The following PCNX3 variants were observed in gnomAD, a reference collection of about 807,000 sequenced individuals.
PCNX3 encodes pecanex-like protein 3.
PCNX3 carries 58 observed loss-of-function variants against 207.2 expected under a neutral mutation model. The observed-to-expected ratio is 0.28, with a 90% CI of 0.23 to 0.35. The LOEUF is 0.35. Ranked by LOEUF, PCNX3 falls within the 10% of genes least tolerant of loss-of-function variation. The pLI is 1.00. For synonymous variants in PCNX3, 1,337 were observed against 1,183.5 expected (o/e 1.13, Z -2.66); for missense variants, 2,410 against 2,774.4 (o/e 0.87, Z 2.95).
chr11:65,620,692 T>C, intron 9 of PCNX3, 139 bp from the exon 10 acceptor site: 1 of 1,213,314 alleles, frequency 8.2e-7, no homozygotes, highest in Admixed American at 2.2e-5. Flanking sequence ...TTCTGCCACC[T>C]GACCCCAGCA....
Position 65,624,261 on chromosome 11 carries a change from C to T in PCNX3, c.2611C>T (p.Leu871=). Residue 871 remains leucine (L), a synonymous_variant, in exon 14 of 35, where the codon CTG becomes TTG. Transcript: ENST00000355703. ...CTGCATCTGCTGTCTGCTCATCTGG[C>T]TGCTGGACGCCCTGGGCTCAGCTCA... ...YFCICCLLIW[L]LDALGSAQPF... 6.2e-7 allele frequency: 1 copy of T among 1,603,792 alleles called. No individual in the cohort carries two copies. The highest frequency in any genetic ancestry group is 8.5e-7 in the Non-Finnish European group (1 of 1,175,124).
At chr11:65,616,744 C>T (rs1590865293) in intron 1 of PCNX3, 80 bp from the exon 2 acceptor site, 5 of 1,468,730 alleles carry the variant, frequency 3.4e-6, no homozygotes, top group Non-Finnish European at 3.7e-6. Context: ...TCTGTGAATC[C>T]CAGCTATGAT....
At chr11:65,620,805 G>C (rs757453507) in intron 9 of PCNX3, 26 bp from the exon 10 acceptor site, 1 of 1,589,890 alleles carries the variant, frequency 6.3e-7, no homozygotes, top group South Asian at 1.1e-5. Context: ...CCCGTGGGGG[G>C]ATCCTGATGG....
At chr11:65,630,723 G>A in intron 27 of PCNX3, 119 bp downstream of exon 27, 8 of 1,396,432 alleles carry the variant, frequency 5.7e-6, no homozygotes, top group Non-Finnish European at 7.7e-6. Context: ...GGGAAGCTGA[G>A]GCCTCAGAGA....
At chr11:65,630,775 G>T (rs1855586877) in intron 27 of PCNX3, among the ~76,000 whole-genome samples, 171 bp downstream of exon 27, 1 of 152,206 alleles carries the variant, frequency 6.6e-6, no homozygotes, top group Non-Finnish European at 1.5e-5. Context: ...ACCTCAGGTT[G>T]CAGGGGCCTC....
In PCNX3 at chr11:65,624,197, C is replaced by T; in HGVS notation, c.2547C>T (p.Gly849=). 6.2e-7 allele frequency: 1 copy of T among 1,603,530 alleles called. No individual in the cohort carries two copies. The highest frequency in any genetic ancestry group is 8.5e-7 in the Non-Finnish European group (1 of 1,176,560). The change falls in exon 14 of 35, where the codon GGC becomes GGT. Residue 849 remains glycine, a splice_region_variant and synonymous_variant. Transcript: ENST00000355703. ...CTCCTCATGGGCTGACCCCTCAGGG[C>T]CACAACTGGGTGATCGCGTACAGCC... ...VQPDAASPMH[G]HNWVIAYSRP...
At position 65,627,528 on chromosome 11, in the gene PCNX3, C is replaced by T; in HGVS notation, c.3648C>T (p.Arg1216=). Residue 1216 remains arginine (R), a synonymous_variant, in exon 22 of 35, where the codon CGC becomes CGT. Transcript: ENST00000355703. The part of the protein sequence containing the change: ...TVLLFHFDYP[R]LSQGFLLDYF... Reference sequence around the variant, plus strand: ...TGCTCTTCCACTTTGACTACCCGCGCCTCTCCCAGGGCTTTCTGCTTGACT... The same window carrying T: ...TGCTCTTCCACTTTGACTACCCGCGTCTCTCCCAGGGCTTTCTGCTTGACT... 1 of 1,613,840 alleles carries T rather than the reference C, an allele frequency of 6.2e-7. No individual in the cohort carries two copies. Among genetic ancestry groups the T allele is most frequent in the Non-Finnish European group, 8.5e-7 (1 of 1,179,870 alleles).
chr11:65,635,918 G>A lies in PCNX3; in HGVS notation c.5459+115G>A. 7.1e-7 allele frequency: 1 copy of A among 1,403,852 alleles called. No homozygotes were observed. Among genetic ancestry groups the A allele is most frequent in the Admixed American group, 2.4e-5 (1 of 41,038 alleles). The allele number at this position is 1,403,852 out of a possible 1,614,324, so 87.0% of individuals were successfully genotyped here. ...AGCCAGGGCTTGAATCCCGAGAGATGACCCCCTCCCAGAGCTGACCTGCCC... is the reference window on the plus strand; with the variant it reads ...AGCCAGGGCTTGAATCCCGAGAGATAACCCCCTCCCAGAGCTGACCTGCCC... On this transcript the variant is annotated intron_variant, in intron 32 of 34. Coordinates refer to ENST00000355703, the MANE Select transcript of PCNX3 (RefSeq NM_032223.4). This position sits in a 1 kb window ranked among gnomAD's most constrained non-coding sequence, Gnocchi z 9.9.
At position 65,624,955 on chromosome 11, in the gene PCNX3, G is replaced by A; in HGVS notation, c.2858G>A (p.Ser953Asn). The change falls in exon 16 of 35, where the codon AGC becomes AAC. Residue 953 changes from serine (S) to asparagine (N), a missense_variant. Ser to Asn is a conservative substitution (Grantham distance 46). Around this residue, in one of 8 missense-constraint regions of PCNX3, gnomAD observed 333 missense variants for 386.8 expected, o/e 0.86. Transcript: ENST00000355703. Reference protein sequence around the residue: ...AATSPLTAVFSLSRSLLAAAL... With the variant: ...AATSPLTAVFNLSRSLLAAAL... ...ACCAGCCCGCTCACGGCAGTCTTCA[G>A]CCTCTCCCGCAGCCTGCTGGCTGCT... 6.2e-7 allele frequency: 1 copy of A among 1,612,152 alleles called. No individual in the cohort carries two copies. Among genetic ancestry groups the A allele is most frequent in the Non-Finnish European group, 8.5e-7 (1 of 1,179,482 alleles).
At position 65,636,867 on chromosome 11, in the gene PCNX3, C is replaced by G. The variant is rs576837586; in HGVS notation, c.5994C>G (p.Asp1998Glu). The change falls in exon 35 of 35, where the codon GAC becomes GAG. Residue 1998 changes from aspartate (D) to glutamate (E), a missense_variant. Around this residue, in one of 8 missense-constraint regions of PCNX3, gnomAD observed 278 missense variants for 245.1 expected, o/e 1.13. Coordinates refer to ENST00000355703, the MANE Select transcript of PCNX3 (RefSeq NM_032223.4). ...PRASQDIPCL[D>E]SSAPESGTPM... Reference sequence around the variant, plus strand: ...CTTCCCAGGACATTCCTTGCTTGGACAGCAGTGCCCCTGAGAGTGGCACAC... The same window carrying G: ...CTTCCCAGGACATTCCTTGCTTGGAGAGCAGTGCCCCTGAGAGTGGCACAC... 50 of 1,551,748 alleles carry G rather than the reference C, an allele frequency of 3.2e-5. No homozygotes were observed. The South Asian group carries it at 5.6e-4, about 17-fold the overall frequency.
At chr11:65,630,745 C>G (rs1344601742) in intron 27 of PCNX3, 141 bp downstream of exon 27, 7 of 1,238,936 alleles carry the variant, frequency 5.7e-6, no homozygotes, top group Non-Finnish European at 7.7e-6. Flanking sequence ...TTTAAGTGTC[C>G]CCTGAGGTGC....
chr11:65,617,553 A>G (rs375368764), intron 4 of PCNX3, 44 bp downstream of exon 4: 84 of 1,613,448 alleles, frequency 5.2e-5, no homozygotes, highest in East Asian at 6.7e-5. Flanking sequence ...GCTGTGGAAC[A>G]GGGGCTGGCG....
intron 20 of PCNX3, 107 bp from the exon 21 acceptor site, chr11:65,626,797 G>C: frequency 6.7e-7 from 1 of 1,494,318 alleles, no homozygotes; most frequent in African/African-American, 1.4e-5. Flanking sequence ...CTCCCCCCAG[G>C]GTCTCCGAGG....
In PCNX3 at chr11:65,636,879, T is replaced by C. The variant is rs999303552; in HGVS notation, c.6006T>C (p.Pro2002=). ...TTCCTTGCTTGGACAGCAGTGCCCCTGAGAGTGGCACACCTATGGGTGCCC... is the reference window on the plus strand; with the variant it reads ...TTCCTTGCTTGGACAGCAGTGCCCCCGAGAGTGGCACACCTATGGGTGCCC... ...QDIPCLDSSA[P]ESGTPMGALG... is the part of the protein sequence containing the mutation. The change falls in exon 35 of 35, where the codon CCT becomes CCC. Residue 2002 remains proline (P), a synonymous_variant. Transcript: ENST00000355703. The C allele has an allele frequency of 3.2e-6, 5 of 1,552,504 alleles. No homozygotes were observed. The Admixed American group carries it at 9.8e-5, about 30-fold the overall frequency.
intron 9 of PCNX3, 116 bp from the exon 10 acceptor site, chr11:65,620,715 G>A (rs1357303889): frequency 1.4e-6 from 2 of 1,389,122 alleles, no homozygotes; most frequent in African/African-American, 1.4e-5. Flanking sequence ...TGTCCCTTGA[G>A]CCCTGGTTGG....
chr11:65,625,087 G>T lies in PCNX3; in HGVS notation c.2919+71G>T, dbSNP rs532635951. ...TGGTTGGGGCGGGGCTGTGAACTGG[G>T]CTCAGCAGTGGCTTCTCACACGGGG... On this transcript the variant is annotated intron_variant, in intron 16 of 34. Transcript: ENST00000355703. This position sits in a 1 kb window ranked among gnomAD's most constrained non-coding sequence, Gnocchi z 5.6. The T allele has an allele frequency of 8.3e-6, 13 of 1,558,666 alleles. No homozygotes were observed. Among genetic ancestry groups the T allele is most frequent in the Non-Finnish European group, 1.1e-5 (13 of 1,142,796 alleles).
Position 65,636,687 on chromosome 11 carries a change from CA to C in PCNX3, c.5891del (p.Gln1964ArgfsTer4). On this transcript the variant is annotated frameshift_variant and splice_region_variant, in exon 34 of 35. Transcript: ENST00000355703. LOFTEE classifies it high-confidence loss of function. ...CCCCAAAGGAGGTACCCCCAAATCT[CA>C]GGTAAGGCACCTGTGGGAGGGTTGG... ...GSPKGGTPKS[Q>X]APLDLSLSLS... The C allele has an allele frequency of 6.3e-7, 1 of 1,577,620 alleles. No homozygotes were observed. The highest frequency in any genetic ancestry group is 1.2e-5 in the South Asian group (1 of 86,330).
Position 65,627,407 on chromosome 11 carries a change from G to T in PCNX3, c.3527G>T (p.Cys1176Phe). 6.2e-7 allele frequency: 1 copy of T among 1,607,854 alleles called. No individual in the cohort carries two copies. Among genetic ancestry groups the T allele is most frequent in the Non-Finnish European group, 8.5e-7 (1 of 1,179,700 alleles). ...CGATGCCTGCCCCTTGCCCACAGCT[G>T]CCGGGCGCTGCTGATGACCGTGGCT... ...VSHPDKYCFY[C>F]RALLMTVAGL... is the part of the protein sequence containing the mutation. The change falls in exon 22 of 35, where the codon TGC becomes TTC. Residue 1176 changes from cysteine to phenylalanine, a missense_variant and splice_region_variant. By Grantham distance (205) the Cys-to-Phe change is radical (BLOSUM62 -2). This residue lies in a region of PCNX3 where 333 missense variants were observed against 386.8 expected (regional missense o/e 0.86). Transcript: ENST00000355703.
chr11:65,619,423 G>A (rs967961978), intron 6 of PCNX3, 114 bp from the exon 7 acceptor site: 10 of 1,476,108 alleles, frequency 6.8e-6, no homozygotes, highest in Admixed American at 2.3e-5. Flanking sequence ...CCTCAGAGCC[G>A]GGGCGTGGTT....
Sources: allele counts gnomAD v4.1 joint callset (sites outside exome capture counted in the v4.1 genomes callset), GRCh38; gene constraint gnomAD v4.1.1; regional missense constraint gnomAD v4.1.1; non-coding constraint Gnocchi (gnomAD v3.1); transcripts MANE v1.5; gene names NCBI Gene and HGNC (gene_info 2026-07-23, HGNC 2026-07-21).